The following CTIF variants were observed in gnomAD, a reference collection of about 807,000 sequenced individuals.
The protein encoded by CTIF is CBP80/20-dependent translation initiation factor.
Under a neutral mutation model 66.0 loss-of-function variants are expected in CTIF, and 21 were observed. That is an observed-to-expected ratio of 0.32 (90% CI 0.23 to 0.46). The LOEUF (loss-of-function observed/expected upper bound fraction) is 0.46. CTIF is among the 20% of genes least tolerant of loss of function. CTIF has a pLI of 1.00. For missense variants in CTIF, 739 were observed against 812.7 expected (o/e 0.91, Z 1.10); for synonymous variants, 345 against 326.4 (o/e 1.06, Z -0.62).
chr18:48,744,286 A>T (rs1432590941), intron 7 of CTIF, among the ~76,000 whole-genome samples: 1 of 152,162 alleles, frequency 6.6e-6, no homozygotes, highest in African/African-American at 2.4e-5. Flanking sequence ...CCCTTGTGTC[A>T]ATTTTATTGT....
At chr18:48,850,874 G>T (rs1386690948) in intron 10 of CTIF, among the ~76,000 whole-genome samples, 3 of 152,228 alleles carry the variant, frequency 2.0e-5, no homozygotes, top group African/African-American at 7.2e-5. Flanking sequence ...AAGCAGGTGT[G>T]TGTGGGGAGG....
chr18:48,648,371 T>G (rs1042198773), intron 3 of CTIF, among the ~76,000 whole-genome samples: 2 of 152,114 alleles, frequency 1.3e-5, no homozygotes, highest in African/African-American at 4.8e-5. Context: ...AAGCTGTCTC[T>G]GCTGGGCTCT....
chr18:48,555,426 T>C (rs2088994828), intron 1 of CTIF, among the ~76,000 whole-genome samples: 1 of 152,152 alleles, frequency 6.6e-6, no homozygotes. Flanking sequence ...GCTGGTGAGA[T>C]TATTGAGGCC....
Position 48,545,929 on chromosome 18 carries a change from C to G in CTIF, c.-29+6617C>G, listed in dbSNP as rs183153594. Among the ~76,000 whole-genome samples the G allele has an allele frequency of 1.3e-3, 191 of 152,238 alleles. 1 individual carries two copies. Among genetic ancestry groups the G allele is most frequent in the Admixed American group, 3.7e-3 (56 of 15,288 alleles). On this transcript the variant is annotated intron_variant, in intron 1 of 11. Coordinates refer to ENST00000256413, the MANE Select transcript of CTIF (RefSeq NM_014772.3). ...CGGGGATGCTGTGTCATGCTGGAGG[C>G]CCAGCTGGCAGAATCCAGCGACAGC...
At chr18:48,547,510 T>C (rs2088779717) in intron 1 of CTIF, among the ~76,000 whole-genome samples, 2 of 152,220 alleles carry the variant, frequency 1.3e-5, no homozygotes, top group Non-Finnish European at 2.9e-5. Context: ...GCAGCAGCGC[T>C]TGGTTCCAAT....
chr18:48,545,693 G>C (rs1405815548), intron 1 of CTIF, among the ~76,000 whole-genome samples: 1 of 152,150 alleles, frequency 6.6e-6, no homozygotes, highest in African/African-American at 2.4e-5. Context: ...ATTGCTGGTA[G>C]GATAGTGGGG....
chr18:48,598,091 T>C (rs1200031473), intron 1 of CTIF, among the ~76,000 whole-genome samples: 2 of 152,100 alleles, frequency 1.3e-5, no homozygotes, highest in African/African-American at 4.8e-5. Flanking sequence ...TGCAGTAAGC[T>C]CCAGACTCTG....
chr18:48,564,052 A>T (rs1390531951), intron 1 of CTIF, among the ~76,000 whole-genome samples: 3 of 152,156 alleles, frequency 2.0e-5, no homozygotes, highest in Non-Finnish European at 4.4e-5. Context: ...CTTTCAGACC[A>T]CACTTGGCTC....
chr18:48,784,973 G>A (rs898883845), intron 9 of CTIF, among the ~76,000 whole-genome samples: 2 of 152,230 alleles, frequency 1.3e-5, no homozygotes, highest in African/African-American at 2.4e-5. Flanking sequence ...AAGCAAACCC[G>A]GGAGAGCCCA....
At chr18:48,651,902 T>C (rs1568105787) in intron 3 of CTIF, among the ~76,000 whole-genome samples, 1 of 152,202 alleles carries the variant, frequency 6.6e-6, no homozygotes, top group Non-Finnish European at 1.5e-5. Flanking sequence ...GAAATAAAGA[T>C]GTTCTTTGAA....
At chr18:48,806,570 A>G (rs1479510610) in intron 9 of CTIF, among the ~76,000 whole-genome samples, 1 of 152,176 alleles carries the variant, frequency 6.6e-6, no homozygotes, top group African/African-American at 2.4e-5. Context: ...GGGGCTGCCC[A>G]TCTCCCTCAG....
chr18:48,664,561 G>A lies in CTIF; in HGVS notation c.431+10G>A. On this transcript the variant is annotated intron_variant, in intron 5 of 11. Transcript: ENST00000256413. ...ACATCGACCGCGAAGGGTAAGGGGT[G>A]CTGGGGCTCTTACCCAGGGTGGGGT... 1 of 1,607,704 alleles carries A rather than the reference G, an allele frequency of 6.2e-7. No individual in the cohort carries two copies. Among genetic ancestry groups the A allele is most frequent in the Non-Finnish European group, 8.5e-7 (1 of 1,178,608 alleles).
intron 1 of CTIF, among the ~76,000 whole-genome samples, chr18:48,606,698 A>C (rs905308692): frequency 6.6e-6 from 1 of 152,146 alleles, no homozygotes; most frequent in Non-Finnish European, 1.5e-5. Flanking sequence ...TGGCACATTG[A>C]GGGAGTGGAG....
chr18:48,565,136 C>T (rs1274352270), intron 1 of CTIF: 1 of 152,018 alleles, frequency 6.6e-6, no homozygotes, highest in East Asian at 1.9e-4. Flanking sequence ...TGTCTCCGGT[C>T]CTGTTTATTA....
rs775063748 is a variant in CTIF, at chr18:48,619,762, G to T, written c.180+17G>T. 1.3e-6 allele frequency: 2 copies of T among 1,522,322 alleles called. No individual in the cohort carries two copies. The highest frequency in any genetic ancestry group is 2.8e-5 in the African/African-American group (2 of 72,550). 94.3% of individuals were successfully genotyped at this position (1,522,322 alleles called of 1,614,324 possible). A position where few individuals can be genotyped will look rare whatever the true frequency, so the allele number is the denominator to read the frequency against. Reference sequence around the variant, plus strand: ...ATCTCCCAGGTGAGCGCGGGCCCGGGGTTGGGGCAGCTTGGGAAATTCAGA... The same window carrying T: ...ATCTCCCAGGTGAGCGCGGGCCCGGTGTTGGGGCAGCTTGGGAAATTCAGA... On this transcript the variant is annotated intron_variant, in intron 2 of 11. Coordinates refer to ENST00000256413, the MANE Select transcript of CTIF (RefSeq NM_014772.3).
At chr18:48,817,474 CTT>C in intron 10 of CTIF, 98 bp downstream of exon 10, 1 of 1,438,904 alleles carries the variant, frequency 6.9e-7, no homozygotes, top group Non-Finnish European at 9.3e-7. Context: ...GGTAGGCTCA[CTT>C]AGAAAGGGAC....
chr18:48,674,183 A>G (rs2091587437), intron 6 of CTIF, among the ~76,000 whole-genome samples: 1 of 152,222 alleles, frequency 6.6e-6, no homozygotes, highest in Non-Finnish European at 1.5e-5. Context: ...ACAGTTCCCC[A>G]CGAGAGGCAC....
At chr18:48,775,193 T>G (rs1323555815) in intron 9 of CTIF, among the ~76,000 whole-genome samples, 1 of 152,170 alleles carries the variant, frequency 6.6e-6, no homozygotes, top group Non-Finnish European at 1.5e-5. Context: ...GCCCTACACT[T>G]ACTCTTCTGT....
At chr18:48,838,658 G>A (rs1386774692) in intron 10 of CTIF, among the ~76,000 whole-genome samples, 1 of 152,218 alleles carries the variant, frequency 6.6e-6, no homozygotes, top group Non-Finnish European at 1.5e-5. Flanking sequence ...AGAGTTTAGT[G>A]TAGGAGCCTT....
Sources: gnomAD v4.1 joint callset for allele counts (sites outside exome capture counted in the v4.1 genomes callset) on GRCh38, gnomAD v4.1.1 for gene constraint, MANE v1.5 for transcripts, NCBI Gene and HGNC (gene_info 2026-07-23, HGNC 2026-07-21) for gene names.